Variants in CRISP2 observed in about 807,000 individuals in gnomAD.
CRISP2 encodes the protein cysteine-rich secretory protein 2.
In CRISP2, 29 loss-of-function variants were observed where a neutral mutation model predicts 31.7. The ratio of observed to expected loss-of-function variants is 0.92; its 90% confidence interval spans 0.68 to 1.25. The LOEUF (loss-of-function observed/expected upper bound fraction) is 1.25. Ranked by LOEUF, CRISP2 falls within the 50% of genes most tolerant of loss-of-function variation. CRISP2 has a pLI of 0.00. For synonymous variants in CRISP2, 111 were observed against 101.4 expected (o/e 1.09, Z -0.57); for missense variants, 318 against 286.5 (o/e 1.11, Z -0.79).
At chr6:49,701,932 A>G (rs1765997024) in intron 4 of CRISP2, among the ~76,000 whole-genome samples, 1 of 8,144 alleles carries the variant, frequency 1.2e-4, no homozygotes, top group Non-Finnish European at 1.8e-4. Flanking sequence ...TATATATAAT[A>G]TATAATATAT....
downstream of CRISP2, among the ~76,000 whole-genome samples, chr6:49,689,203 T>A (rs1358046232): frequency 1.3e-5 from 2 of 152,096 alleles, no homozygotes; most frequent in African/African-American, 4.8e-5. Flanking sequence ...AAAATGACCA[T>A]TCCTAAAGCA....
chr6:49,697,803 T>C, intron 8 of CRISP2, 57 bp downstream of exon 8: 1 of 1,605,214 alleles, frequency 6.2e-7, no homozygotes, highest in Non-Finnish European at 8.5e-7. Flanking sequence ...ATGAGAATTA[T>C]TAAAAAATAA....
intron 4 of CRISP2, among the ~76,000 whole-genome samples, chr6:49,706,621 T>A (rs1016772263): frequency 6.6e-6 from 1 of 152,194 alleles, no homozygotes; most frequent in Non-Finnish European, 1.5e-5. Flanking sequence ...GACCTAAATT[T>A]ACACAAGAAT....
At chr6:49,681,561 A>G in the CRISP2 span, among the ~76,000 whole-genome samples, 1 of 152,238 alleles carries the variant, frequency 6.6e-6, no homozygotes, top group African/African-American at 2.4e-5. Context: ...ATAAAACAGA[A>G]TCAATTTTGA....
At chr6:49,686,783 G>A in the CRISP2 span, among the ~76,000 whole-genome samples, 2 of 152,160 alleles carry the variant, frequency 1.3e-5, no homozygotes, top group Non-Finnish European at 2.9e-5. Context: ...ATTCACAATA[G>A]CAAAGTCTTG....
At chr6:49,708,347 C>G (rs1246407285) in intron 4 of CRISP2, among the ~76,000 whole-genome samples, 2 of 152,236 alleles carry the variant, frequency 1.3e-5, no homozygotes, top group East Asian at 3.9e-4. Context: ...ATGTCCATAT[C>G]CTAATGCTCA....
intron 4 of CRISP2, among the ~76,000 whole-genome samples, chr6:49,701,924 T>C (rs1765989396): frequency 1.7e-4 from 2 of 11,608 alleles, no homozygotes; most frequent in Admixed American, 3.6e-3. Flanking sequence ...TATTATATTA[T>C]ATATAATATA....
intron 1 of CRISP2, among the ~76,000 whole-genome samples, chr6:49,713,045 A>T (rs1466116342): frequency 2.0e-5 from 3 of 152,214 alleles, no homozygotes; most frequent in African/African-American, 7.2e-5. Context: ...CCAATAGATG[A>T]TATAAAGTCC....
At chr6:49,709,417 G>C (rs1386638656) in intron 3 of CRISP2, among the ~76,000 whole-genome samples, 1 of 152,090 alleles carries the variant, frequency 6.6e-6, no homozygotes, top group Non-Finnish European at 1.5e-5. Flanking sequence ...AGAAAAAGCT[G>C]AAGAACTCTA....
At position 49,700,651 on chromosome 6, in the gene CRISP2, A is replaced by T; in HGVS notation, c.183+17T>A. On this transcript the variant is annotated intron_variant, in intron 5 of 9. Coordinates refer to ENST00000339139, the MANE Select transcript of CRISP2 (RefSeq NM_003296.4). ...ACAGCTGATTCACACCCATCTCCTTACAGCACTGCCTCTTACCATCTTTAG... is the reference window on the plus strand; with the variant it reads ...ACAGCTGATTCACACCCATCTCCTTTCAGCACTGCCTCTTACCATCTTTAG... 1 of 1,498,008 alleles carries T rather than the reference A, an allele frequency of 6.7e-7. No homozygotes were observed. The highest frequency in any genetic ancestry group is 1.4e-5 in the African/African-American group (1 of 72,284). The allele number at this position is 1,498,008 out of a possible 1,614,324, so 92.8% of individuals were successfully genotyped here.
downstream of CRISP2, among the ~76,000 whole-genome samples, chr6:49,688,905 G>A (rs576308987): frequency 5.3e-5 from 8 of 151,628 alleles, no homozygotes; most frequent in South Asian, 2.1e-4. Flanking sequence ...TTTTATTCTC[G>A]TTGCCCAGGC....
chr6:49,709,233 T>C (rs1435729401), intron 3 of CRISP2, 28 bp from the exon 4 acceptor site: 10 of 1,606,044 alleles, frequency 6.2e-6, no homozygotes, highest in African/African-American at 1.3e-5. Flanking sequence ...AAGGTCTGCA[T>C]TGAAATATGT....
downstream of CRISP2, among the ~76,000 whole-genome samples, chr6:49,688,472 A>T (rs1407153430): frequency 6.6e-6 from 1 of 152,266 alleles, no homozygotes; most frequent in East Asian, 1.9e-4. Context: ...ATTATCTGCC[A>T]CAAATGAGTC....
At chr6:49,705,334 C>A (rs1766838565) in intron 4 of CRISP2, among the ~76,000 whole-genome samples, 1 of 152,116 alleles carries the variant, frequency 6.6e-6, no homozygotes, top group Non-Finnish European at 1.5e-5. Context: ...AGTCAGCCAG[C>A]AAGGCCAATC....
chr6:49,711,501 G>C (rs1034763610), intron 2 of CRISP2, among the ~76,000 whole-genome samples, 180 bp from the exon 3 acceptor site: 4 of 152,218 alleles, frequency 2.6e-5, no homozygotes, highest in Middle Eastern at 3.4e-3. Flanking sequence ...GACATTATTT[G>C]CTTCCCACAT....
chr6:49,700,243 A>G (rs1479903136), intron 5 of CRISP2, among the ~76,000 whole-genome samples: 2 of 152,100 alleles, frequency 1.3e-5, no homozygotes, highest in South Asian at 2.1e-4. Flanking sequence ...GTTATTTCCA[A>G]TTCCATTTGT....
At chr6:49,701,599 ACACACACACG>A (rs1229444167) in intron 4 of CRISP2, among the ~76,000 whole-genome samples, 1 of 66,092 alleles carries the variant, frequency 1.5e-5, no homozygotes, top group African/African-American at 5.5e-5. Context: ...ATATATATAC[ACACACACACG>A]GTATATATAT....
At position 49,707,766 on chromosome 6, in the gene CRISP2, T is replaced by C. The variant is rs1296477605; in HGVS notation, c.66+1365A>G. Reference sequence around the variant, plus strand: ...TAATGTGCACAGAGTTAATGGAAGATATGACAAGAAACAGCAATGCCAAAG... The same window carrying C: ...TAATGTGCACAGAGTTAATGGAAGACATGACAAGAAACAGCAATGCCAAAG... On this transcript the variant is annotated intron_variant, in intron 4 of 9. Coordinates refer to ENST00000339139, the MANE Select transcript of CRISP2 (RefSeq NM_003296.4). 5.3e-5 allele frequency among the ~76,000 whole-genome samples: 8 copies of C among 152,298 alleles called. No individual in the cohort carries two copies. The East Asian group carries it at 1.4e-3, about 26-fold the overall frequency.
At chr6:49,687,093 C>A in the CRISP2 span, among the ~76,000 whole-genome samples, 1 of 151,940 alleles carries the variant, frequency 6.6e-6, no homozygotes, top group African/African-American at 2.4e-5. Context: ...AGGAGATATA[C>A]CTAATGCTAA....
Sources: allele counts gnomAD v4.1 joint callset (sites outside exome capture counted in the v4.1 genomes callset), GRCh38; gene constraint gnomAD v4.1.1; transcripts MANE v1.5; gene names NCBI Gene and HGNC (gene_info 2026-07-23, HGNC 2026-07-21).